Variants in MN1 observed in about 807,000 individuals in gnomAD.
MN1 encodes transcriptional activator MN1.
A neutral mutation model predicts 86.9 loss-of-function variants in MN1; 19 were observed. The ratio of observed to expected loss-of-function variants is 0.22; its 90% confidence interval spans 0.15 to 0.32. The LOEUF (loss-of-function observed/expected upper bound fraction) is 0.32. MN1 is among the 10% of genes least tolerant of loss of function. The probability of loss-of-function intolerance (pLI) is 1.00; values close to 1 mark genes in which losing one functional copy is unlikely to be tolerated. For missense variants in MN1, 1,841 were observed against 1,862.0 expected, an observed-to-expected ratio of 0.99 and a Z score of 0.21; for synonymous variants, 928 against 849.6, an observed-to-expected ratio of 1.09 and a Z score of -1.60.
chr22:27,775,860 G>A (rs991734732), intron 1 of MN1, among the ~76,000 whole-genome samples: 1 of 152,218 alleles, frequency 6.6e-6, no homozygotes, highest in African/African-American at 2.4e-5. Context: ...ACCGACAGCA[G>A]CTGAGGCTGC....
At chr22:27,789,608 G>A (rs1369352612) in intron 1 of MN1, among the ~76,000 whole-genome samples, 2 of 152,202 alleles carry the variant, frequency 1.3e-5, no homozygotes, top group African/African-American at 4.8e-5. Flanking sequence ...TTTATATGGG[G>A]ATGTTTATTG....
intron 1 of MN1, among the ~76,000 whole-genome samples, chr22:27,757,903 C>T (rs1415624323): frequency 6.6e-6 from 1 of 152,072 alleles, no homozygotes; most frequent in African/African-American, 2.4e-5. Context: ...TTCCCTCCTC[C>T]CCATCCCCCA....
intron 1 of MN1, among the ~76,000 whole-genome samples, chr22:27,754,497 G>A (rs1932789750): frequency 6.6e-6 from 1 of 152,220 alleles, no homozygotes; most frequent in Non-Finnish European, 1.5e-5. Context: ...CGCCTAGAAT[G>A]AGAAAGAGAG....
chr22:27,795,265 C>T (rs1218848301), intron 1 of MN1, among the ~76,000 whole-genome samples: 1 of 152,114 alleles, frequency 6.6e-6, no homozygotes, highest in African/African-American at 2.4e-5. Flanking sequence ...AGAGAGGCCG[C>T]ATTCATGAAT....
At chr22:27,787,842 T>C (rs1440683261) in intron 1 of MN1, among the ~76,000 whole-genome samples, 1 of 152,110 alleles carries the variant, frequency 6.6e-6, no homozygotes, top group Non-Finnish European at 1.5e-5. Flanking sequence ...TGGGTCTTCA[T>C]CCCCTTGAGC....
At chr22:27,764,957 A>G (rs1449255496) in intron 1 of MN1, among the ~76,000 whole-genome samples, 1 of 152,214 alleles carries the variant, frequency 6.6e-6, no homozygotes, top group African/African-American at 2.4e-5. Flanking sequence ...ATTTGTTTAC[A>G]TTTTGTTTAT....
At position 27,800,351 on chromosome 22, in the gene MN1, T is replaced by C. The variant is rs199615090; in HGVS notation, c.193A>G (p.Met65Val). 3 of 1,605,282 alleles carry C rather than the reference T, an allele frequency of 1.9e-6. No homozygotes were observed. The highest frequency in any genetic ancestry group is 2.6e-6 in the Non-Finnish European group (3 of 1,175,200). Residue 65 changes from methionine (M) to valine (V), a missense_variant, in exon 1 of 2, where the codon ATG (methionine) becomes GTG (valine). By Grantham distance (21) the Met-to-Val change is conservative. Transcript: ENST00000302326. ...CGCGCGTGGAAGCCGTAGGGCTCCA[T>C]GTTCATGCCCAAGATCGGGGGTTCG... ...LGEPPILGMN[M>V]EPYGFHARGH...
At chr22:27,763,859 C>G (rs917635848) in intron 1 of MN1, among the ~76,000 whole-genome samples, 1 of 152,182 alleles carries the variant, frequency 6.6e-6, no homozygotes, top group African/African-American at 2.4e-5. Flanking sequence ...AAGGCAGGCC[C>G]ATGTTGTGAG....
At chr22:27,789,423 AT>A (rs1399556395) in intron 1 of MN1, among the ~76,000 whole-genome samples, 1 of 152,174 alleles carries the variant, frequency 6.6e-6, no homozygotes, top group African/African-American at 2.4e-5. Flanking sequence ...AGGAGCAAAC[AT>A]TTTGGGGGAG....
At chr22:27,772,226 G>T (rs998102102) in intron 1 of MN1, among the ~76,000 whole-genome samples, 1 of 152,190 alleles carries the variant, frequency 6.6e-6, no homozygotes, top group Non-Finnish European at 1.5e-5. Flanking sequence ...CCCAGCAGGG[G>T]CTGGGCCAAC....
chr22:27,776,921 G>C (rs1321543806), intron 1 of MN1, among the ~76,000 whole-genome samples: 1 of 152,138 alleles, frequency 6.6e-6, no homozygotes, highest in Non-Finnish European at 1.5e-5. Flanking sequence ...GGGAGCCGGT[G>C]GGGGAGAGGG....
At chr22:27,753,137 C>A (rs1445998747) in intron 1 of MN1, among the ~76,000 whole-genome samples, 3 of 152,236 alleles carry the variant, frequency 2.0e-5, no homozygotes, top group Admixed American at 6.5e-5. Flanking sequence ...AGAAAGGAGA[C>A]TTCCTTGGCC....
At chr22:27,794,043 T>C (rs1051150672) in intron 1 of MN1, among the ~76,000 whole-genome samples, 2 of 152,062 alleles carry the variant, frequency 1.3e-5, no homozygotes, top group African/African-American at 4.8e-5. Flanking sequence ...TTCAAAGCCA[T>C]TGGACACCAC....
At chr22:27,754,400 C>T (rs1202201183) in intron 1 of MN1, among the ~76,000 whole-genome samples, 1 of 152,172 alleles carries the variant, frequency 6.6e-6, no homozygotes, top group African/African-American at 2.4e-5. Context: ...GCCCCTTCTC[C>T]CCACCCCAGC....
chr22:27,760,527 A>C (rs1932828037), intron 1 of MN1, among the ~76,000 whole-genome samples: 2 of 152,088 alleles, frequency 1.3e-5, no homozygotes, highest in Admixed American at 6.5e-5. Context: ...ATAAAGAAAG[A>C]AAGATTTTAC....
chr22:27,785,746 G>GCCCCC (rs35117962), intron 1 of MN1, among the ~76,000 whole-genome samples: 1 of 135,176 alleles, frequency 7.4e-6, no homozygotes, highest in African/African-American at 2.8e-5. Flanking sequence ...TAACAGGTGT[G>GCCCCC]CCCCCCCCCC....
rs983204078 is a variant in MN1, at chr22:27,800,194, T to C, written c.350A>G (p.Asn117Ser). ...GGCCCCGGGGTCCGGGCCACCGAAG[T>C]TGCCCCCAAAGTGGGGGTGATGCTG... is the stretch of plus-strand genomic sequence containing the variant. The part of the protein sequence containing the change: ...PHQHHPHFGG[N>S]FGGPDPGASC... Residue 117 changes from asparagine to serine, a missense_variant, in exon 1 of 2, where the codon AAC (asparagine) becomes AGC (serine). Coordinates refer to ENST00000302326, the MANE Select transcript of MN1 (RefSeq NM_002430.3). The C allele has an allele frequency of 1.9e-6, 3 of 1,554,450 alleles. No homozygotes were observed. The highest frequency in any genetic ancestry group is 2.6e-6 in the Non-Finnish European group (3 of 1,153,544).
In MN1 at chr22:27,799,029, G is replaced by A; in HGVS notation, c.1515C>T (p.Ser505=). ...GCTGCAGGGGCGGCCCCGAAGGGAA[G>A]CTGTCGGGCACAGGCGGTGTGAACT... ...PGEFTPPVPD[S]FPSGPPLQHP... is the part of the protein sequence containing the mutation. The change falls in exon 1 of 2, where the codon AGC becomes AGT. Residue 505 remains serine, a synonymous_variant. Transcript: ENST00000302326. The A allele has an allele frequency of 1.2e-6, 2 of 1,612,166 alleles. No individual in the cohort carries two copies. The highest frequency in any genetic ancestry group is 1.7e-6 in the Non-Finnish European group (2 of 1,179,490).
At chr22:27,781,142 G>A (rs951658262) in intron 1 of MN1, among the ~76,000 whole-genome samples, 5 of 152,120 alleles carry the variant, frequency 3.3e-5, no homozygotes, top group African/African-American at 1.2e-4. Flanking sequence ...TGTTGCCCAG[G>A]CTGGTCTCGA....
Sources: gnomAD v4.1 joint callset for allele counts (sites outside exome capture counted in the v4.1 genomes callset) on GRCh38, gnomAD v4.1.1 for gene constraint, MANE v1.5 for transcripts, NCBI Gene and HGNC (gene_info 2026-07-23, HGNC 2026-07-21) for gene names.